PAX2: variants seen among roughly 807,000 people sequenced by gnomAD.
The protein encoded by PAX2 is paired box 2, also known as paired box protein Pax-2.
Under a neutral mutation model 41.7 loss-of-function variants are expected in PAX2, and 9 were observed. That is an observed-to-expected ratio of 0.22 (90% CI 0.13 to 0.38). The LOEUF is 0.38. Ranked by LOEUF, PAX2 falls within the 10% of genes least tolerant of loss-of-function variation. The pLI, the probability that PAX2 is intolerant of heterozygous loss-of-function variation, is 1.00. For synonymous variants in PAX2, 221 were observed against 212.7 expected, an observed-to-expected ratio of 1.04 and a Z score of -0.34; for missense variants, 418 against 531.6, an observed-to-expected ratio of 0.79 and a Z score of 2.10.
intron 3 of PAX2, among the ~76,000 whole-genome samples, chr10:100,779,230 CA>C (rs1298411605): frequency 6.6e-6 from 1 of 152,188 alleles, no homozygotes; most frequent in Non-Finnish European, 1.5e-5. Flanking sequence ...TCTTTGCTAC[CA>C]AAAATCAAAC....
chr10:100,752,291 A>G (rs567886795), intron 3 of PAX2, among the ~76,000 whole-genome samples: 3 of 152,344 alleles, frequency 2.0e-5, no homozygotes, highest in South Asian at 2.1e-4. Flanking sequence ...TCAGCCAGGT[A>G]TTGAAAGCAT....
chr10:100,783,920 A>G (rs1465429480), intron 5 of PAX2, among the ~76,000 whole-genome samples: 1 of 152,076 alleles, frequency 6.6e-6, no homozygotes, highest in Non-Finnish European at 1.5e-5. Flanking sequence ...TCCTCCTCTT[A>G]CCAACTCCTC....
intron 3 of PAX2, among the ~76,000 whole-genome samples, chr10:100,777,856 G>A (rs1001231409): frequency 6.6e-6 from 1 of 152,226 alleles, no homozygotes; most frequent in African/African-American, 2.4e-5. Flanking sequence ...TAGATGTTCA[G>A]TAAGTGGAAA....
chr10:100,793,424 C>G (rs1478158368), intron 5 of PAX2, among the ~76,000 whole-genome samples: 2 of 152,236 alleles, frequency 1.3e-5, no homozygotes, highest in African/African-American at 4.8e-5. Context: ...GCCTTCACCT[C>G]CCTCCTTGTC....
chr10:100,749,027 C>A, intron 1 of PAX2: 1 of 985,452 alleles, frequency 1.0e-6, no homozygotes, highest in Non-Finnish European at 1.2e-6. Flanking sequence ...AGACCCCGGG[C>A]CCCTGCCTCA....
intron 6 of PAX2, among the ~76,000 whole-genome samples, chr10:100,807,669 T>A (rs1180807331): frequency 6.6e-6 from 1 of 152,150 alleles, no homozygotes; most frequent in East Asian, 1.9e-4. Flanking sequence ...CCACATACGC[T>A]GGGTGGAGCC....
Position 100,826,730 on chromosome 10 carries a change from C to G in PAX2, c.1022-279C>G, listed in dbSNP as rs1439986074. Among the ~76,000 whole-genome samples the G allele has an allele frequency of 6.6e-6, 1 of 152,196 alleles. No homozygotes were observed. The highest frequency in any genetic ancestry group is 1.5e-5 in the Non-Finnish European group (1 of 68,018). ...AATACAAACCCTTCGTGGGTGGCCG[C>G]GAGCGCCTCCGCTGGGAAGCCCTGG... is the stretch of plus-strand genomic sequence containing the variant. On this transcript the variant is annotated intron_variant, in intron 8 of 9. Transcript: ENST00000355243. The surrounding 1 kb of genome is among the most constrained non-coding windows in gnomAD (Gnocchi z 5.5).
upstream of PAX2, among the ~76,000 whole-genome samples, chr10:100,744,262 GAGCGCTGCGCA>G (rs1265661030): frequency 1.3e-5 from 2 of 152,242 alleles, no homozygotes; most frequent in Non-Finnish European, 2.9e-5. Flanking sequence ...CGGGCTGCAA[GAGCGCTGCGCA>G]AGCTTCGCCG....
upstream of PAX2, among the ~76,000 whole-genome samples, chr10:100,742,153 G>T (rs1844976668): frequency 6.6e-6 from 1 of 152,190 alleles, no homozygotes; most frequent in African/African-American, 2.4e-5. Context: ...AGAAAACGCT[G>T]GGCCAGGGAA....
At chr10:100,784,256 G>T (rs1846757761) in intron 5 of PAX2, among the ~76,000 whole-genome samples, 1 of 152,256 alleles carries the variant, frequency 6.6e-6, no homozygotes, top group Admixed American at 6.5e-5. Context: ...GTCACAGAAG[G>T]CAGCCTCGGG....
upstream of PAX2, among the ~76,000 whole-genome samples, chr10:100,745,410 G>A (rs1018118714): frequency 4.8e-4 from 73 of 151,256 alleles, no homozygotes; most frequent in African/African-American, 1.7e-3. Flanking sequence ...GGAGTGACAG[G>A]CTCGGGGCCC....
intron 1 of PAX2, among the ~76,000 whole-genome samples, chr10:100,737,152 G>A (rs1333150730): frequency 6.6e-6 from 1 of 152,046 alleles, no homozygotes; most frequent in Non-Finnish European, 1.5e-5. Flanking sequence ...TTTCCCTCCG[G>A]GCAGGCGCTC....
rs1589860190 is a variant in PAX2, at chr10:100,791,057, C to T, written c.616+9692C>T. On this transcript the variant is annotated intron_variant, in intron 5 of 9. Transcript: ENST00000355243. This position sits in a 1 kb window ranked among gnomAD's most constrained non-coding sequence, Gnocchi z 4.5. ...TCACAAACCTCAACCTGCACGGAGG[C>T]CTGGCCTTCCCTCCCTCCCATTCTT... Among the ~76,000 whole-genome samples the T allele has an allele frequency of 6.6e-6, 1 of 152,244 alleles. No homozygotes were observed. The highest frequency in any genetic ancestry group is 1.9e-4 in the East Asian group (1 of 5,196).
At chr10:100,764,136 ATT>A (rs145391942) in intron 3 of PAX2, among the ~76,000 whole-genome samples, 3,831 of 103,672 alleles carry the variant, frequency 0.037, 92 homozygotes, top group African/African-American at 0.12. Flanking sequence ...CAAACATTGA[ATT>A]TTTTTTTTTT....
intron 3 of PAX2, among the ~76,000 whole-genome samples, chr10:100,760,540 T>A (rs967324772): frequency 1.2e-4 from 19 of 152,172 alleles, no homozygotes; most frequent in African/African-American, 4.3e-4. Flanking sequence ...AACCAAGCCA[T>A]GTGTGATGGC....
Position 100,746,024 on chromosome 10 carries a change from C to T in PAX2, c.-237C>T. On this transcript the variant is annotated 5_prime_UTR_variant, in exon 1 of 10. Transcript: ENST00000355243. ...GGGCCATTCTGCTGACCGCCCAGCC[C>T]CGAGCCCCGACAGTGGCAAGTTGCG... 7.0e-7 allele frequency: 1 copy of T among 1,423,798 alleles called. No homozygotes were observed. Among genetic ancestry groups the T allele is most frequent in the South Asian group, 1.5e-5 (1 of 67,032 alleles). The allele number at this position is 1,423,798 out of a possible 1,614,324, so 88.2% of individuals were successfully genotyped here.
Position 100,786,212 on chromosome 10 carries a change from G to A in PAX2, c.616+4847G>A, listed in dbSNP as rs565183941. Among the ~76,000 whole-genome samples the A allele has an allele frequency of 5.3e-5, 8 of 152,358 alleles. No individual in the cohort carries two copies. The South Asian group carries it at 1.7e-3, about 32-fold the overall frequency. ...TAACCCGGATGGGACCAGCGCAGTGGAGGAAAGCTGTCGTCCTCACACCCG... is the reference window on the plus strand; with the variant it reads ...TAACCCGGATGGGACCAGCGCAGTGAAGGAAAGCTGTCGTCCTCACACCCG... On this transcript the variant is annotated intron_variant, in intron 5 of 9. Coordinates refer to ENST00000355243, the MANE Select transcript of PAX2 (RefSeq NM_000278.5).
chr10:100,788,124 A>C (rs1204247095), intron 5 of PAX2, among the ~76,000 whole-genome samples: 1 of 152,150 alleles, frequency 6.6e-6, no homozygotes, highest in African/African-American at 2.4e-5. Context: ...CCTCTCTCAC[A>C]TGGATGTGCA....
chr10:100,806,405 C>A (rs1483924158), intron 5 of PAX2, 25 bp from the exon 6 acceptor site: 3 of 1,613,774 alleles, frequency 1.9e-6, no homozygotes, highest in Non-Finnish European at 2.5e-6. Context: ...GGCGCTAACG[C>A]CCCGAGTGTC....
Sources: allele counts gnomAD v4.1 joint callset (sites outside exome capture counted in the v4.1 genomes callset), GRCh38; gene constraint gnomAD v4.1.1; non-coding constraint Gnocchi (gnomAD v3.1); transcripts MANE v1.5; gene names NCBI Gene and HGNC (gene_info 2026-07-23, HGNC 2026-07-21).